The following ANKRD30BL variants were observed in gnomAD, a reference collection of about 807,000 sequenced individuals.
ANKRD30BL encodes putative ankyrin repeat domain-containing protein 30B-like.
A neutral mutation model predicts 18.4 loss-of-function variants in ANKRD30BL; 20 were observed. That is an observed-to-expected ratio of 1.09 (90% confidence interval 0.77 to 1.58). The LOEUF (loss-of-function observed/expected upper bound fraction) is 1.58. ANKRD30BL is among the 40% of genes most tolerant of loss of function. The pLI, the probability that ANKRD30BL is intolerant of heterozygous loss-of-function variation, is 0.00. For missense variants in ANKRD30BL, 224 were observed against 268.6 expected (o/e 0.83, Z 1.16); for synonymous variants, 72 against 100.9 (o/e 0.71, Z 1.72).
chr2:132,238,030 G>A (rs1248895152), intron 1 of ANKRD30BL, among the ~76,000 whole-genome samples: 2 of 151,798 alleles, frequency 1.3e-5, no homozygotes, highest in Admixed American at 6.6e-5. Context: ...TCACAGATTC[G>A]AACATTCCGT....
At chr2:132,178,784 C>G (rs1354588826) in intron 1 of ANKRD30BL, among the ~76,000 whole-genome samples, 1 of 151,824 alleles carries the variant, frequency 6.6e-6, no homozygotes, top group Non-Finnish European at 1.5e-5. Flanking sequence ...AGAGCCTAAA[C>G]TAGAAAAATA....
chr2:132,257,415 C>G (rs1573905972), intron 1 of ANKRD30BL: 2 of 323,774 alleles, frequency 6.2e-6, no homozygotes, highest in Admixed American at 4.4e-5. Context: ...CGGCCCGGCC[C>G]GGCGGGATTC....
intron 1 of ANKRD30BL, among the ~76,000 whole-genome samples, chr2:132,214,764 T>C (rs1679446729): frequency 6.6e-6 from 1 of 151,830 alleles, no homozygotes; most frequent in Non-Finnish European, 1.5e-5. Context: ...GATTGAATAG[T>C]TTGGAAACTC....
intron 1 of ANKRD30BL, among the ~76,000 whole-genome samples, chr2:132,171,655 TAAC>T (rs1688283049): frequency 6.6e-6 from 1 of 152,226 alleles, no homozygotes; most frequent in Admixed American, 6.5e-5. Context: ...TTATGCTTAA[TAAC>T]AAAAAATACA....
intron 1 of ANKRD30BL, among the ~76,000 whole-genome samples, chr2:132,220,743 A>G (rs62165525): frequency 0.18 from 25,613 of 142,794 alleles, 4,816 homozygotes; most frequent in African/African-American, 0.49. Context: ...GCCTGCCTTG[A>G]CCTCCCAAAG....
intron 1 of ANKRD30BL, among the ~76,000 whole-genome samples, chr2:132,194,106 ACTCT>A (rs1224375855): frequency 3.2e-4 from 48 of 150,238 alleles, no homozygotes; most frequent in South Asian, 6.4e-4. Flanking sequence ...CCACTCCGAT[ACTCT>A]CTCTCTCTAT....
At chr2:132,155,297 T>C (rs1687871805) in intron 3 of ANKRD30BL, 1 of 152,216 alleles carries the variant, frequency 6.6e-6, no homozygotes, top group African/African-American at 2.4e-5. Flanking sequence ...TAATCCTTAT[T>C]TGACAGTATA....
At chr2:132,230,104 T>C (rs1249723039) in intron 1 of ANKRD30BL, among the ~76,000 whole-genome samples, 1 of 151,990 alleles carries the variant, frequency 6.6e-6, no homozygotes. Context: ...TTAAAGCACT[T>C]TGAGGCCTGT....
rs759596916 is a variant in ANKRD30BL at position 132,154,763 on chromosome 2, G to A, written c.513C>T (p.Gly171=). The change falls in exon 4 of 6, where the codon GGC becomes GGT. Residue 171 remains glycine (G), a synonymous_variant. Transcript: ENST00000409867. ...GADIEVKNKA[G]HTPLLLAIRK... is the part of the protein sequence containing the mutation. ...TTATGGCCAGTAAAAGTGGTGTGTGGCCAGCCTGTAAAACAGCAAAAACAA... is the reference window on the plus strand; with the variant it reads ...TTATGGCCAGTAAAAGTGGTGTGTGACCAGCCTGTAAAACAGCAAAAACAA... The A allele has an allele frequency of 5.0e-5, 35 of 702,008 alleles. No individual in the cohort carries two copies. The East Asian group carries it at 8.7e-4, about 18-fold the overall frequency. 43.5% of individuals were successfully genotyped at this position (702,008 alleles called of 1,614,324 possible).
intron 1 of ANKRD30BL, among the ~76,000 whole-genome samples, chr2:132,194,301 T>C (rs2104740847): frequency 6.6e-6 from 1 of 152,266 alleles, no homozygotes; most frequent in South Asian, 2.1e-4. Context: ...GTGTGTGCTG[T>C]GGTGGGGTTA....
intron 1 of ANKRD30BL, among the ~76,000 whole-genome samples, chr2:132,232,884 C>A (rs1680061368): frequency 6.6e-6 from 1 of 151,906 alleles, no homozygotes; most frequent in Admixed American, 6.6e-5. Flanking sequence ...ACATAATTGT[C>A]AGATTCATCA....
chr2:132,156,491 C>T (rs1274176390), intron 3 of ANKRD30BL: 1 of 152,040 alleles, frequency 6.6e-6, no homozygotes, highest in East Asian at 1.9e-4. Flanking sequence ...AGTGATGTAA[C>T]TAGGTGGGCA....
chr2:132,209,094 G>C (rs1384305248), intron 1 of ANKRD30BL, among the ~76,000 whole-genome samples: 2 of 151,530 alleles, frequency 1.3e-5, no homozygotes, highest in East Asian at 3.9e-4. Context: ...TCTCTTGATT[G>C]AGCAGTTTTG....
chr2:132,159,414 A>G (rs1329859750), intron 1 of ANKRD30BL, among the ~76,000 whole-genome samples: 1 of 152,198 alleles, frequency 6.6e-6, no homozygotes, highest in Non-Finnish European at 1.5e-5. Context: ...CAAACTTTGT[A>G]GATAGAAAGC....
At chr2:132,193,621 C>T (rs1047470695) in intron 1 of ANKRD30BL, among the ~76,000 whole-genome samples, 3 of 152,144 alleles carry the variant, frequency 2.0e-5, no homozygotes. Flanking sequence ...TCATGGAGCC[C>T]TGGAGAAACG....
chr2:132,167,809 A>G (rs13409327), intron 1 of ANKRD30BL, among the ~76,000 whole-genome samples: 30,029 of 152,084 alleles, frequency 0.2, 3,542 homozygotes, highest in African/African-American at 0.32. Context: ...TCTATCTTCA[A>G]ATAAAATTGT....
chr2:132,202,738 C>T (rs1405556007), intron 1 of ANKRD30BL, among the ~76,000 whole-genome samples: 1 of 151,820 alleles, frequency 6.6e-6, no homozygotes, highest in Non-Finnish European at 1.5e-5. Flanking sequence ...CGTACACACA[C>T]CATATATATA....
intron 1 of ANKRD30BL, among the ~76,000 whole-genome samples, chr2:132,238,831 G>C (rs1269847022): frequency 6.6e-6 from 1 of 152,048 alleles, no homozygotes; most frequent in Non-Finnish European, 1.5e-5. Context: ...AAATTTCTTT[G>C]TGATGTTTGC....
intron 1 of ANKRD30BL, among the ~76,000 whole-genome samples, chr2:132,169,644 T>TGA (rs760832053): frequency 7.7e-5 from 7 of 90,876 alleles, no homozygotes; most frequent in Non-Finnish European, 1.4e-4. Flanking sequence ...ATACTCTGTC[T>TGA]AAAAAAAAAA....
Sources: allele counts gnomAD v4.1 joint callset (sites outside exome capture counted in the v4.1 genomes callset), GRCh38; gene constraint gnomAD v4.1.1; transcripts MANE v1.5; gene names NCBI Gene and HGNC (gene_info 2026-07-23, HGNC 2026-07-21).